ZDHHC14: variants seen among roughly 807,000 people sequenced by gnomAD.
ZDHHC14 encodes the protein zDHHC palmitoyltransferase 14.
ZDHHC14 carries 16 observed loss-of-function variants against 47.7 expected under a neutral mutation model. The observed-to-expected ratio is 0.34, with a 90% confidence interval of 0.23 to 0.51. The LOEUF (loss-of-function observed/expected upper bound fraction) is 0.51, where lower values mean the gene tolerates loss of function less well. ZDHHC14 is among the 20% of genes least tolerant of loss of function. The pLI, the probability that ZDHHC14 is intolerant of heterozygous loss-of-function variation, is 0.97. For synonymous variants in ZDHHC14, 293 were observed against 278.9 expected (o/e 1.05, Z -0.50); for missense variants, 515 against 662.5 (o/e 0.78, Z 2.44).
chr6:157,405,815 A>G (rs1777747703), intron 1 of ZDHHC14, among the ~76,000 whole-genome samples: 1 of 152,228 alleles, frequency 6.6e-6, no homozygotes, highest in South Asian at 2.1e-4. Context: ...GGCCTTAAAA[A>G]TAAAGTGCTA....
intron 1 of ZDHHC14, among the ~76,000 whole-genome samples, chr6:157,539,298 G>A (rs1372947105): frequency 6.6e-6 from 1 of 152,130 alleles, no homozygotes; most frequent in Non-Finnish European, 1.5e-5. Context: ...AGCCACTCAG[G>A]AGGCTGAGCT....
chr6:157,644,206 G>A (rs1318191463), intron 5 of ZDHHC14, among the ~76,000 whole-genome samples: 1 of 152,204 alleles, frequency 6.6e-6, no homozygotes, highest in East Asian at 1.9e-4. Flanking sequence ...TGAATCCCAG[G>A]GGAGTTGCCT....
chr6:157,636,876 C>T (rs1339184875), intron 5 of ZDHHC14, among the ~76,000 whole-genome samples: 1 of 152,208 alleles, frequency 6.6e-6, no homozygotes, highest in Non-Finnish European at 1.5e-5. Flanking sequence ...GACATTTCTT[C>T]GGTGTGCCAC....
intron 1 of ZDHHC14, among the ~76,000 whole-genome samples, chr6:157,398,367 G>T (rs1423562957): frequency 4.6e-5 from 7 of 152,224 alleles, no homozygotes; most frequent in Admixed American, 4.6e-4. Flanking sequence ...GGGGCAGCCT[G>T]CCAGCAGGGG....
intron 3 of ZDHHC14, among the ~76,000 whole-genome samples, chr6:157,604,425 G>A (rs1450228293): frequency 1.3e-5 from 2 of 152,188 alleles, no homozygotes; most frequent in Admixed American, 6.5e-5. Context: ...GGGAGGTCCT[G>A]GAAGCAATCC....
In ZDHHC14 at chr6:157,488,950, T is replaced by C. The variant is rs181216122; in HGVS notation, c.246-53635T>C. ...CCATAGATTAATTGAGTATGTGTAT[T>C]TCGTGAGCACAAGGAAGAGTTGTTA... On this transcript the variant is annotated intron_variant, in intron 1 of 8. Coordinates refer to ENST00000359775, the MANE Select transcript of ZDHHC14 (RefSeq NM_024630.3). Among the ~76,000 whole-genome samples the C allele has an allele frequency of 3.3e-4, 51 of 152,346 alleles. 1 individual carries two copies. The highest frequency in any genetic ancestry group is 1.1e-3 in the African/African-American group (44 of 41,576).
At chr6:157,585,773 A>G (rs1488391124) in intron 2 of ZDHHC14, among the ~76,000 whole-genome samples, 5 of 152,342 alleles carry the variant, frequency 3.3e-5, no homozygotes, top group Admixed American at 6.5e-5. Context: ...TGGGGGTGCT[A>G]CCTGGCCATG....
chr6:157,650,571 C>G (rs1777784492), intron 7 of ZDHHC14, among the ~76,000 whole-genome samples: 1 of 151,954 alleles, frequency 6.6e-6, no homozygotes, highest in Admixed American at 6.6e-5. Flanking sequence ...CCTTCAGACT[C>G]TTTTGATGAC....
intron 2 of ZDHHC14, among the ~76,000 whole-genome samples, chr6:157,583,225 G>A (rs978090857): frequency 1.3e-5 from 2 of 151,912 alleles, no homozygotes; most frequent in Non-Finnish European, 2.9e-5. Context: ...CTGTCTTTCA[G>A]CCATTTCAGC....
intron 1 of ZDHHC14, among the ~76,000 whole-genome samples, chr6:157,436,398 A>G (rs993075446): frequency 1.3e-5 from 2 of 152,128 alleles, no homozygotes; most frequent in South Asian, 2.1e-4. Context: ...TTCACCAGAC[A>G]ATGGGAGAGC....
At chr6:157,431,930 C>T (rs1230235515) in intron 1 of ZDHHC14, among the ~76,000 whole-genome samples, 6 of 152,070 alleles carry the variant, frequency 3.9e-5, no homozygotes, top group South Asian at 2.1e-4. Flanking sequence ...GGTTTTGCCA[C>T]GTTGCCCAGG....
At chr6:157,534,205 A>G (rs956512405) in intron 1 of ZDHHC14, among the ~76,000 whole-genome samples, 1 of 152,164 alleles carries the variant, frequency 6.6e-6, no homozygotes, top group Non-Finnish European at 1.5e-5. Flanking sequence ...GACGCTTGGT[A>G]TGTGCAGGTC....
At chr6:157,641,831 C>G (rs753752654) in intron 5 of ZDHHC14, among the ~76,000 whole-genome samples, 7 of 152,146 alleles carry the variant, frequency 4.6e-5, no homozygotes, top group Non-Finnish European at 1.0e-4. Flanking sequence ...ATTTATCTAT[C>G]AGATAATTTT....
chr6:157,486,648 T>A (rs1384541689), intron 1 of ZDHHC14, among the ~76,000 whole-genome samples: 1 of 151,914 alleles, frequency 6.6e-6, no homozygotes, highest in East Asian at 1.9e-4. Flanking sequence ...GTGAACAGGG[T>A]GGCAGAGGAA....
At chr6:157,629,456 T>G (rs1785572268) in intron 4 of ZDHHC14, 1 of 146,946 alleles carries the variant, frequency 6.8e-6, no homozygotes, top group East Asian at 2.3e-4. Context: ...AAACCACAAA[T>G]GGCGTGGGCT....
At chr6:157,525,747 T>C (rs1214851919) in intron 1 of ZDHHC14, among the ~76,000 whole-genome samples, 3 of 152,176 alleles carry the variant, frequency 2.0e-5, no homozygotes, top group African/African-American at 7.2e-5. Context: ...AAAATGATTC[T>C]GGGCATCAGA....
chr6:157,400,659 T>G (rs909252538), intron 1 of ZDHHC14, among the ~76,000 whole-genome samples: 1 of 152,234 alleles, frequency 6.6e-6, no homozygotes, highest in Admixed American at 6.5e-5. Context: ...CTGCTGCCCA[T>G]GGATGTCAGG....
chr6:157,381,365 A>T lies in ZDHHC14; in HGVS notation c.-657A>T, dbSNP rs1327143470. On this transcript the variant is annotated 5_prime_UTR_variant, in exon 1 of 9. Coordinates refer to ENST00000359775, the MANE Select transcript of ZDHHC14 (RefSeq NM_024630.3). ...CGGATTCGACTAGGCTGCCAGGCGCAGCGACACCGGGTCGCGGTGCGAGCG... is the reference window on the plus strand; with the variant it reads ...CGGATTCGACTAGGCTGCCAGGCGCTGCGACACCGGGTCGCGGTGCGAGCG... The T allele has an allele frequency of 6.0e-6, 1 of 167,724 alleles. No homozygotes were observed. The highest frequency in any genetic ancestry group is 2.0e-4 in the East Asian group (1 of 5,128). The allele number at this position is 167,724 out of a possible 1,614,324, so 10.4% of individuals were successfully genotyped here. A position where few individuals can be genotyped will look rare whatever the true frequency, so the allele number is the denominator to read the frequency against.
At chr6:157,413,443 A>G (rs1777910376) in intron 1 of ZDHHC14, among the ~76,000 whole-genome samples, 1 of 152,218 alleles carries the variant, frequency 6.6e-6, no homozygotes. Flanking sequence ...CTCACTGGTA[A>G]GACGTCACTG....
Sources: gnomAD v4.1 joint callset for allele counts (sites outside exome capture counted in the v4.1 genomes callset) on GRCh38, gnomAD v4.1.1 for gene constraint, MANE v1.5 for transcripts, NCBI Gene and HGNC (gene_info 2026-07-23, HGNC 2026-07-21) for gene names.